Variants in CGRRF1 observed in about 807,000 individuals in gnomAD.
CGRRF1 encodes the protein cell growth regulator with RING finger domain protein 1.
CGRRF1 carries 32 observed loss-of-function variants against 37.2 expected under a neutral mutation model. That is an observed-to-expected ratio of 0.86 (90% confidence interval 0.65 to 1.16). CGRRF1 has a LOEUF of 1.16. Ranked by LOEUF, CGRRF1 falls within the 50% of genes most tolerant of loss-of-function variation. CGRRF1 has a pLI of 0.00. For missense variants in CGRRF1, 391 were observed against 382.6 expected (o/e 1.02, Z -0.18); for synonymous variants, 141 against 140.3 (o/e 1.00, Z -0.04).
intron 1 of CGRRF1, among the ~76,000 whole-genome samples, chr14:54,516,738 G>A (rs74498763): frequency 0.024 from 3,667 of 152,216 alleles, 57 homozygotes; most frequent in African/African-American, 0.038. Flanking sequence ...GCCATTATGT[G>A]TTCAAATACT....
chr14:54,536,305 G>A (rs1199240333), intron 4 of CGRRF1: 4 of 151,216 alleles, frequency 2.6e-5, no homozygotes, highest in Non-Finnish European at 5.9e-5. Context: ...TGTGTATGCT[G>A]TGCATATTCC....
At chr14:54,532,530 A>G (rs887186663) in intron 4 of CGRRF1, among the ~76,000 whole-genome samples, 1 of 152,180 alleles carries the variant, frequency 6.6e-6, no homozygotes, top group Non-Finnish European at 1.5e-5. Flanking sequence ...CGTAATTTGC[A>G]TTATAATAGT....
intron 1 of CGRRF1, among the ~76,000 whole-genome samples, chr14:54,517,172 G>T (rs1036826274): frequency 2.0e-5 from 3 of 152,098 alleles, no homozygotes; most frequent in African/African-American, 7.2e-5. Flanking sequence ...CTCATTGTGG[G>T]TACTGTTTTC....
At chr14:54,522,385 C>T in intron 1 of CGRRF1, 69 bp from the exon 2 acceptor site, 1 of 1,134,930 alleles carries the variant, frequency 8.8e-7, no homozygotes, top group Non-Finnish European at 1.2e-6. Flanking sequence ...TGAAGCACAA[C>T]AGATTTTACA....
At position 54,531,096 on chromosome 14, in the gene CGRRF1, A is replaced by G. The variant is rs929793282; in HGVS notation, c.570+46A>G. The G allele has an allele frequency of 3.6e-6, 5 of 1,378,560 alleles. No homozygotes were observed. In the African/African-American group the frequency reaches 5.8e-5, roughly 16 times the overall value. 85.4% of individuals were successfully genotyped at this position (1,378,560 alleles called of 1,614,324 possible). On this transcript the variant is annotated intron_variant, in intron 4 of 5. Coordinates refer to ENST00000216420, the MANE Select transcript of CGRRF1 (RefSeq NM_006568.3). The stretch of plus-strand genomic sequence containing the variant: ...AAAGCATTACCTTTAAGTGATTTGA[A>G]TGGTGGTTCTTCATTATTTGATAAA...
At chr14:54,533,250 T>G (rs1444931888) in intron 4 of CGRRF1, among the ~76,000 whole-genome samples, 3 of 152,170 alleles carry the variant, frequency 2.0e-5, no homozygotes, top group African/African-American at 7.2e-5. Context: ...GAGAAGAGTT[T>G]GCTCTCAGGT....
rs754768777 is a variant in CGRRF1, at chr14:54,538,370, C to T, written c.986C>T (p.Pro329Leu). ...CSQKEQDKDK[P>L]KTL The stretch of plus-strand genomic sequence containing the variant: ...CAAAAAGAGCAAGATAAAGACAAAC[C>T]GAAGACTCTTTGAAGACATCGTAAC... Residue 329 changes from proline (P) to leucine (L), a missense_variant, in exon 6 of 6, where the codon CCG becomes CTG. By Grantham distance (98) the Pro-to-Leu change is moderately conservative (BLOSUM62 -3). Coordinates refer to ENST00000216420, the MANE Select transcript of CGRRF1 (RefSeq NM_006568.3). The T allele has an allele frequency of 5.0e-6, 8 of 1,605,946 alleles. No homozygotes were observed. The highest frequency in any genetic ancestry group is 2.2e-5 in the East Asian group (1 of 44,652).
chr14:54,518,270 G>T (rs991233246), intron 1 of CGRRF1, among the ~76,000 whole-genome samples: 5 of 152,226 alleles, frequency 3.3e-5, no homozygotes, highest in Admixed American at 2.0e-4. Flanking sequence ...TTTAGGCCAG[G>T]CGCAGTGGCT....
intron 2 of CGRRF1, among the ~76,000 whole-genome samples, chr14:54,527,842 G>A (rs569108055): frequency 4.6e-5 from 7 of 151,554 alleles, no homozygotes; most frequent in African/African-American, 1.7e-4. Context: ...GACTGCAGCC[G>A]TGATCCTCCT....
intron 1 of CGRRF1, 55 bp downstream of exon 1, chr14:54,510,118 C>A: frequency 7.3e-7 from 1 of 1,365,298 alleles, no homozygotes. Flanking sequence ...AGTGGGGTCG[C>A]GACGAGCAGC....
intron 1 of CGRRF1, among the ~76,000 whole-genome samples, chr14:54,520,757 CTTCTA>C (rs2032303598): frequency 6.6e-6 from 1 of 152,222 alleles, no homozygotes; most frequent in South Asian, 2.1e-4. Flanking sequence ...CTGCTGAATA[CTTCTA>C]TTCTTTTCTT....
chr14:54,525,832 C>T (rs577387012), intron 2 of CGRRF1, among the ~76,000 whole-genome samples: 102 of 152,270 alleles, frequency 6.7e-4, no homozygotes, highest in African/African-American at 2.2e-3. Flanking sequence ...CGTGGTGGCT[C>T]ATGCTTGTAA....
rs762540816 is a variant in CGRRF1, at chr14:54,510,069, T to A, written c.104+6T>A. ...ACCGGCCTGGTATTGGGATGGTAAGTGTCCCAGGGGTGAGAGACGAAGGGG... is the reference window on the plus strand; with the variant it reads ...ACCGGCCTGGTATTGGGATGGTAAGAGTCCCAGGGGTGAGAGACGAAGGGG... On this transcript the variant is annotated splice_donor_region_variant and intron_variant, in intron 1 of 5. Coordinates refer to ENST00000216420, the MANE Select transcript of CGRRF1 (RefSeq NM_006568.3). 63 of 1,594,932 alleles carry A rather than the reference T, an allele frequency of 4.0e-5. No homozygotes were observed. Among genetic ancestry groups the A allele is most frequent in the Non-Finnish European group, 5.3e-5 (62 of 1,162,928 alleles).
rs2140069777 is a variant in CGRRF1, at chr14:54,538,967, T to C, written c.*584T>C. On this transcript the variant is annotated 3_prime_UTR_variant, in exon 6 of 6. Transcript: ENST00000216420. The stretch of plus-strand genomic sequence containing the variant: ...CTTAAATCATAAATACAAGATATAA[T>C]TCTTGACTGTTCTCCGTGTATTATA... 1 of 152,436 alleles carries C rather than the reference T, an allele frequency of 6.6e-6. No homozygotes were observed. Among genetic ancestry groups the C allele is most frequent in the South Asian group, 2.1e-4 (1 of 4,838 alleles). 9.4% of individuals were successfully genotyped at this position (152,436 alleles called of 1,614,324 possible). A position where few individuals can be genotyped will look rare whatever the true frequency, so the allele number is the denominator to read the frequency against.
intron 4 of CGRRF1, among the ~76,000 whole-genome samples, chr14:54,532,747 A>G (rs984409563): frequency 6.6e-6 from 1 of 151,542 alleles, no homozygotes; most frequent in African/African-American, 2.4e-5. Flanking sequence ...AATGAGCCTC[A>G]TAGAGCTTGA....
intron 1 of CGRRF1, among the ~76,000 whole-genome samples, chr14:54,513,603 T>A (rs149387608): frequency 8.5e-5 from 12 of 141,102 alleles, no homozygotes; most frequent in East Asian, 4.8e-4. Flanking sequence ...TATGTTATGT[T>A]ATGTTATGTT....
At position 54,509,909 on chromosome 14, in the gene CGRRF1, C is replaced by T. The variant is rs748714368; in HGVS notation, c.-51C>T. 1.1e-5 allele frequency: 15 copies of T among 1,407,956 alleles called. No individual in the cohort carries two copies. The highest frequency in any genetic ancestry group is 1.5e-5 in the Non-Finnish European group (15 of 994,144). The allele number at this position is 1,407,956 out of a possible 1,614,324, so 87.2% of individuals were successfully genotyped here. Reference sequence around the variant, plus strand: ...GCCGGGCGGGCGGGGCTCAGCCGGGCTGGGCTGGGCTCCGCGGCTGGAGCC... The same window carrying T: ...GCCGGGCGGGCGGGGCTCAGCCGGGTTGGGCTGGGCTCCGCGGCTGGAGCC... On this transcript the variant is annotated 5_prime_UTR_variant, in exon 1 of 6. Transcript: ENST00000216420.
At chr14:54,523,689 A>C (rs544597802) in intron 2 of CGRRF1, among the ~76,000 whole-genome samples, 1 of 152,196 alleles carries the variant, frequency 6.6e-6, no homozygotes. Flanking sequence ...GGTTCTTCCT[A>C]TGGGTCCTCC....
chr14:54,517,815 C>T (rs2032242969), intron 1 of CGRRF1, among the ~76,000 whole-genome samples: 1 of 152,178 alleles, frequency 6.6e-6, no homozygotes, highest in Admixed American at 6.5e-5. Flanking sequence ...TGTTGTTTCC[C>T]CTCCATGTGT....
Sources: allele counts gnomAD v4.1 joint callset (sites outside exome capture counted in the v4.1 genomes callset), GRCh38; gene constraint gnomAD v4.1.1; transcripts MANE v1.5; gene names NCBI Gene and HGNC (gene_info 2026-07-23, HGNC 2026-07-21).